Variants in DPF3 observed in about 807,000 individuals in gnomAD.
The protein encoded by DPF3 is zinc finger protein DPF3.
A neutral mutation model predicts 56.8 loss-of-function variants in DPF3; 18 were observed. The ratio of observed to expected loss-of-function variants is 0.32; its 90% CI spans 0.22 to 0.47. The LOEUF (loss-of-function observed/expected upper bound fraction) is 0.47, where lower values mean the gene tolerates loss of function less well. Ranked by LOEUF, DPF3 falls within the 20% of genes least tolerant of loss-of-function variation. The pLI is 1.00. For missense variants in DPF3, 403 were observed against 488.8 expected (o/e 0.82, Z 1.65); for synonymous variants, 188 against 180.2 (o/e 1.04, Z -0.35).
At chr14:72,893,913 G>C in intron 1 of DPF3, 144 bp downstream of exon 1, 1 of 864,522 alleles carries the variant, frequency 1.2e-6, no homozygotes, top group Non-Finnish European at 1.9e-6. Flanking sequence ...AGATGAAGAA[G>C]TAAGAGCTGA....
At chr14:72,706,645 C>T (rs1401371377) in intron 6 of DPF3, among the ~76,000 whole-genome samples, 1 of 152,096 alleles carries the variant, frequency 6.6e-6, no homozygotes, top group Non-Finnish European at 1.5e-5. Flanking sequence ...CTGCTTCACC[C>T]AGCTCTCTGC....
intron 2 of DPF3, among the ~76,000 whole-genome samples, chr14:72,768,933 CTGTGTGTGTGTGT>C (rs1891400098): frequency 6.8e-6 from 1 of 146,398 alleles, no homozygotes; most frequent in African/African-American, 2.5e-5. Flanking sequence ...GTGTGAGTGT[CTGTGTGTGTGTGT>C]GTGTGTGTGT....
intron 8 of DPF3, among the ~76,000 whole-genome samples, chr14:72,639,683 C>T (rs1414499119): frequency 2.0e-5 from 3 of 152,084 alleles, no homozygotes; most frequent in African/African-American, 7.2e-5. Context: ...CCCAAGTGAG[C>T]CTTCAGATGA....
At chr14:72,670,433 A>G in intron 8 of DPF3, 2 of 985,906 alleles carry the variant, frequency 2.0e-6, no homozygotes, top group Non-Finnish European at 2.4e-6. Context: ...AGGCACCCCG[A>G]CTTCTCTGGA....
At chr14:72,809,876 C>G (rs1882960149) in intron 1 of DPF3, among the ~76,000 whole-genome samples, 1 of 152,224 alleles carries the variant, frequency 6.6e-6, no homozygotes, top group African/African-American at 2.4e-5. Context: ...AGTCCCCTCA[C>G]TAGCTGAATG....
At chr14:72,826,729 G>T (rs1440302435) in intron 1 of DPF3, among the ~76,000 whole-genome samples, 1 of 152,146 alleles carries the variant, frequency 6.6e-6, no homozygotes, top group Non-Finnish European at 1.5e-5. Context: ...GCCTGGAGGG[G>T]GTGGTACTGG....
At chr14:72,689,253 G>A (rs887742523) in intron 7 of DPF3, among the ~76,000 whole-genome samples, 4 of 152,182 alleles carry the variant, frequency 2.6e-5, no homozygotes, top group Admixed American at 2.0e-4. Context: ...TCAAAAGGTC[G>A]CTACTGCTGC....
intron 8 of DPF3, among the ~76,000 whole-genome samples, chr14:72,631,137 G>A (rs78591069): frequency 0.042 from 6,368 of 152,274 alleles, 297 homozygotes; most frequent in East Asian, 0.14. Context: ...TGGAGAGGGC[G>A]AGGGGTGTAG....
intron 5 of DPF3, among the ~76,000 whole-genome samples, chr14:72,717,882 C>T (rs1001768155): frequency 2.6e-5 from 4 of 152,202 alleles, no homozygotes; most frequent in African/African-American, 4.8e-5. Context: ...TTCCTCTCTA[C>T]CAGTATTCCC....
intron 6 of DPF3, among the ~76,000 whole-genome samples, chr14:72,713,797 C>T (rs1888763437): frequency 6.6e-6 from 1 of 152,224 alleles, no homozygotes; most frequent in East Asian, 1.9e-4. Context: ...TGCGACTCCC[C>T]TCCCGTGGGC....
chr14:72,688,182 ATGGATGGATGGG>A (rs1887499581), intron 7 of DPF3, among the ~76,000 whole-genome samples: 1 of 102,144 alleles, frequency 9.8e-6, no homozygotes, highest in South Asian at 4.2e-4. Flanking sequence ...GGATGGATGG[ATGGATGGATGGG>A]TGGGTGGGTG....
chr14:72,793,586 G>A (rs942532126), intron 1 of DPF3, among the ~76,000 whole-genome samples: 2 of 152,056 alleles, frequency 1.3e-5, no homozygotes, highest in Non-Finnish European at 2.9e-5. Flanking sequence ...TATCCAGGAA[G>A]GAAAAAAGGA....
At position 72,621,676 on chromosome 14, in the gene DPF3, G is replaced by A. The variant is rs771717370; in HGVS notation, c.985-1692C>T. 6.0e-4 allele frequency among the ~76,000 whole-genome samples: 91 copies of A among 152,198 alleles called. 1 individual carries two copies. The Middle Eastern group carries it at 9.5e-3, about 16-fold the overall frequency. On this transcript the variant is annotated intron_variant, in intron 9 of 10. Transcript: ENST00000556509. The stretch of plus-strand genomic sequence containing the variant: ...GGGGAGAGGTTCATTCAAGAGGCCC[G>A]GGGACCAGTTAGGAAGCTGCTATAG...
intron 1 of DPF3, among the ~76,000 whole-genome samples, chr14:72,788,454 G>A (rs1020052349): frequency 3.9e-5 from 6 of 152,154 alleles, no homozygotes; most frequent in African/African-American, 1.4e-4. Flanking sequence ...CAGAGTCACT[G>A]TGGGTGGAGG....
chr14:72,632,051 C>A (rs1885199997), intron 8 of DPF3, among the ~76,000 whole-genome samples: 1 of 152,090 alleles, frequency 6.6e-6, no homozygotes, highest in Admixed American at 6.5e-5. Flanking sequence ...GCTTGATGAG[C>A]AAAAGGAAAG....
intron 7 of DPF3, among the ~76,000 whole-genome samples, chr14:72,680,796 C>T (rs959103028): frequency 5.3e-5 from 8 of 152,226 alleles, no homozygotes; most frequent in African/African-American, 1.9e-4. Flanking sequence ...TCTGGAGAGG[C>T]CTCTGCACAC....
intron 1 of DPF3, among the ~76,000 whole-genome samples, chr14:72,779,553 G>A (rs1240048140): frequency 6.6e-6 from 1 of 152,228 alleles, no homozygotes; most frequent in Non-Finnish European, 1.5e-5. Flanking sequence ...AATTGGTCAT[G>A]TCTGAGTCCA....
At chr14:72,751,432 G>A (rs959464438) in intron 3 of DPF3, among the ~76,000 whole-genome samples, 1 of 152,172 alleles carries the variant, frequency 6.6e-6, no homozygotes, top group African/African-American at 2.4e-5. Flanking sequence ...TGCAGGTTCT[G>A]ATGCAGCAGG....
intron 6 of DPF3, among the ~76,000 whole-genome samples, chr14:72,706,229 G>T (rs988501249): frequency 6.6e-6 from 1 of 152,106 alleles, no homozygotes; most frequent in Admixed American, 6.5e-5. Flanking sequence ...CACCCCTGGG[G>T]GCCAATATCA....
Sources: gnomAD v4.1 joint callset for allele counts (sites outside exome capture counted in the v4.1 genomes callset) on GRCh38, gnomAD v4.1.1 for gene constraint, MANE v1.5 for transcripts, NCBI Gene and HGNC (gene_info 2026-07-23, HGNC 2026-07-21) for gene names.